Variants in PJVK observed in about 807,000 individuals in gnomAD.
PJVK encodes the protein pejvakin.
PJVK carries 33 observed loss-of-function variants against 37.6 expected under a neutral mutation model. The ratio of observed to expected loss-of-function variants is 0.88; its 90% CI spans 0.67 to 1.17. PJVK has a LOEUF of 1.17. Among genes scored for constraint, PJVK ranks in the 50% most tolerant of loss-of-function variants. The probability of loss-of-function intolerance (pLI) is 0.00; values close to 1 mark genes in which losing one functional copy is unlikely to be tolerated. For missense variants in PJVK, 410 were observed against 413.8 expected, an observed-to-expected ratio of 0.99 and a Z score of 0.08; for synonymous variants, 141 against 143.5, an observed-to-expected ratio of 0.98 and a Z score of 0.13.
Position 178,459,514 on chromosome 2 carries a change from C to T in PJVK, c.668-834C>T, listed in dbSNP as rs139850176. Among the ~76,000 whole-genome samples the T allele has an allele frequency of 5.6e-3, 857 of 152,198 alleles. 5 individuals carry two copies. Among genetic ancestry groups the T allele is most frequent in the Non-Finnish European group, 9.3e-3 (631 of 68,000 alleles). On this transcript the variant is annotated intron_variant, in intron 5 of 6. Coordinates refer to ENST00000644580, the MANE Select transcript of PJVK (RefSeq NM_001042702.5). ...TCATGGAAAATGGGGTATCCATCCCCTCAAGCATTTATCCTTTGTGTTACA... is the reference window on the plus strand; with the variant it reads ...TCATGGAAAATGGGGTATCCATCCCTTCAAGCATTTATCCTTTGTGTTACA...
Position 178,451,707 on chromosome 2 carries a change from G to T in PJVK, c.-85G>T, listed in dbSNP as rs1404952552. ...AACACGCGGGGACGTCCAAACACCC[G>T]CTCCTCTCCCGCCGGGCGGGCTCCT... On this transcript the variant is annotated 5_prime_UTR_variant, in exon 1 of 7. Transcript: ENST00000644580. 3 of 933,694 alleles carry T rather than the reference G, an allele frequency of 3.2e-6. No individual in the cohort carries two copies. Among genetic ancestry groups the T allele is most frequent in the African/African-American group, 1.8e-5 (1 of 56,216 alleles). The allele number at this position is 933,694 out of a possible 1,614,324, so 57.8% of individuals were successfully genotyped here.
chr2:178,453,179 A>G (rs1165462655), intron 1 of PJVK: 1 of 502,836 alleles, frequency 2.0e-6, no homozygotes, highest in African/African-American at 1.9e-5. Flanking sequence ...ATTCCAAGTT[A>G]AACATGCTCT....
Position 178,456,108 on chromosome 2 carries a change from G to C in PJVK, c.506G>C (p.Cys169Ser). 2 of 1,614,124 alleles carry C rather than the reference G, an allele frequency of 1.2e-6. No individual in the cohort carries two copies. Among genetic ancestry groups the C allele is most frequent in the Non-Finnish European group, 1.7e-6 (2 of 1,180,002 alleles). Residue 169 changes from cysteine (C) to serine (S), a missense_variant, in exon 4 of 7, where the codon TGC becomes TCC. Cys to Ser is a moderately radical substitution (Grantham distance 112). Transcript: ENST00000644580. ...VMESIRTTRQCSLSVHAGIRG... is the reference protein window; with the variant it reads ...VMESIRTTRQSSLSVHAGIRG... ...GAGAGCATCCGAACCACACGACAGT[G>C]CTCACTGTCTGTGCATGCTGGAATT...
At chr2:178,455,136 T>C in intron 3 of PJVK, 1 of 1,601,452 alleles carries the variant, frequency 6.2e-7, no homozygotes, top group South Asian at 1.1e-5. Context: ...TCGTGGCTCA[T>C]TGAGGACGGC....
At chr2:178,458,984 G>A (rs900093930) in intron 5 of PJVK, among the ~76,000 whole-genome samples, 1 of 152,174 alleles carries the variant, frequency 6.6e-6, no homozygotes, top group Non-Finnish European at 1.5e-5. Context: ...CAGAGGAGTA[G>A]GTAGATAGTA....
chr2:178,461,526 G>T lies in PJVK; in HGVS notation c.*252G>T. 2.6e-6 allele frequency: 1 copy of T among 389,890 alleles called. No individual in the cohort carries two copies. The highest frequency in any genetic ancestry group is 5.8e-5 in the East Asian group (1 of 17,102). The allele number at this position is 389,890 out of a possible 1,614,324, so 24.2% of individuals were successfully genotyped here. The stretch of plus-strand genomic sequence containing the variant: ...TTTACATATAAAATTCAGAGATTAT[G>T]AATCATGCCAGTCACTTTAGAATCA... On this transcript the variant is annotated 3_prime_UTR_variant, in exon 7 of 7. Transcript: ENST00000644580.
chr2:178,454,186 A>G (rs370146677), intron 2 of PJVK, 146 bp from the exon 3 acceptor site: 2 of 634,526 alleles, frequency 3.2e-6, no homozygotes. Flanking sequence ...AGATTAATTG[A>G]ATTACTACTT....
intron 3 of PJVK, chr2:178,454,996 G>A: frequency 2.9e-6 from 3 of 1,019,794 alleles, no homozygotes; most frequent in Non-Finnish European, 4.7e-6. Context: ...GTCCCTTTCT[G>A]TGTGGACTTC....
chr2:178,457,654 G>A (rs913479544), intron 4 of PJVK, among the ~76,000 whole-genome samples: 1 of 152,196 alleles, frequency 6.6e-6, no homozygotes, highest in Non-Finnish European at 1.5e-5. Flanking sequence ...CTTCTCTGGG[G>A]CCAGCAGCCA....
rs780924384 is a variant in PJVK, at chr2:178,454,430, G to A, written c.310G>A (p.Val104Ile). 1.4e-5 allele frequency: 22 copies of A among 1,613,854 alleles called. No individual in the cohort carries two copies. Among genetic ancestry groups the A allele is most frequent in the South Asian group, 1.2e-4 (11 of 91,086 alleles). Residue 104 changes from valine to isoleucine, a missense_variant, in exon 3 of 7, where the codon GTT becomes ATT. By Grantham distance (29) the Val-to-Ile change is conservative. Coordinates refer to ENST00000644580, the MANE Select transcript of PJVK (RefSeq NM_001042702.5). ...TATTGTAAATGACGTTGGGATTAACGTTGCTGGATCAGATTCCATTGCAGT... is the reference window on the plus strand; with the variant it reads ...TATTGTAAATGACGTTGGGATTAACATTGCTGGATCAGATTCCATTGCAGT... ...NHIVNDVGIN[V>I]AGSDSIAVKA... is the part of the protein sequence containing the mutation.
intron 3 of PJVK, chr2:178,455,198 C>T (rs375901711): frequency 1.3e-5 from 20 of 1,582,808 alleles, no homozygotes; most frequent in Middle Eastern, 1.9e-4. Context: ...GTGGTGGAGC[C>T]GCTTGGTGTC....
chr2:178,456,934 T>C (rs566191247), intron 4 of PJVK, among the ~76,000 whole-genome samples: 1 of 152,360 alleles, frequency 6.6e-6, no homozygotes, highest in African/African-American at 2.4e-5. Context: ...ATTTAAGTGA[T>C]AGAGTTTTTA....
intron 3 of PJVK, 22 bp downstream of exon 3, chr2:178,454,549 T>C (rs755929313): frequency 3.1e-6 from 5 of 1,603,822 alleles, no homozygotes; most frequent in Non-Finnish European, 4.3e-6. Context: ...AATCCTAATA[T>C]ATTTCAGTGT....
rs1341021698 is a variant in PJVK at position 178,461,055 on chromosome 2, AC to A, written c.842del (p.Pro281LeufsTer4). ...DDLFSDYYDK[P>X]LSMTDISLKE... Reference sequence around the variant, plus strand: ...ATCTTTTTTCTGACTACTATGACAAACCTCTCAGCATGACTGATATTTCACT... The same window carrying A: ...ATCTTTTTTCTGACTACTATGACAAACTCTCAGCATGACTGATATTTCACT... On this transcript the variant is annotated frameshift_variant, in exon 7 of 7. Coordinates refer to ENST00000644580, the MANE Select transcript of PJVK (RefSeq NM_001042702.5). LOFTEE classifies it high-confidence loss of function. 6.2e-7 allele frequency: 1 copy of A among 1,613,936 alleles called. No homozygotes were observed. Among genetic ancestry groups the A allele is most frequent in the Non-Finnish European group, 8.5e-7 (1 of 1,179,996 alleles).
chr2:178,454,514 G>T lies in PJVK; in HGVS notation c.394G>T (p.Glu132Ter), dbSNP rs1029053911. Residue 132 changes from glutamate (E) to a stop codon, truncating the protein, a stop_gained, in exon 3 of 7, where the codon GAA becomes TAA. Coordinates refer to ENST00000644580, the MANE Select transcript of PJVK (RefSeq NM_001042702.5). LOFTEE classifies it high-confidence loss of function. ...AGTGGAAGTATCAACATTACTCAAA[G>T]AAATTACTACACGGTCAGTATAATA... ...HEVEVSTLLK[E>*]ITTRKINFDH... 1.2e-6 allele frequency: 2 copies of T among 1,613,430 alleles called. No homozygotes were observed. The highest frequency in any genetic ancestry group is 1.7e-6 in the Non-Finnish European group (2 of 1,179,852).
rs914132306 is a variant in PJVK, at chr2:178,451,434, C to G, written c.-358C>G. ...CAGTTCTTTGTCCTTAGCAGGAGGC[C>G]GTTTCTTGCCGGGAGAGAGGGATTA... is the stretch of plus-strand genomic sequence containing the variant. On this transcript the variant is annotated 5_prime_UTR_variant, in exon 1 of 7. Coordinates refer to ENST00000644580, the MANE Select transcript of PJVK (RefSeq NM_001042702.5). 4.8e-6 allele frequency: 1 copy of G among 208,366 alleles called. No homozygotes were observed. The allele number at this position is 208,366 out of a possible 1,614,324, so 12.9% of individuals were successfully genotyped here.
Position 178,451,402 on chromosome 2 carries a change from T to A in PJVK, c.-390T>A. On this transcript the variant is annotated 5_prime_UTR_variant, in exon 1 of 7. Coordinates refer to ENST00000644580, the MANE Select transcript of PJVK (RefSeq NM_001042702.5). ...TGACCAGCCTGTAGTAACTGGCCCC[T>A]AGGCCGCAGTTCTTTGTCCTTAGCA... The A allele has an allele frequency of 3.5e-6, 1 of 284,708 alleles. No homozygotes were observed. The highest frequency in any genetic ancestry group is 6.7e-6 in the Non-Finnish European group (1 of 149,920). 17.6% of individuals were successfully genotyped at this position (284,708 alleles called of 1,614,324 possible). A position where few individuals can be genotyped will look rare whatever the true frequency, so the allele number is the denominator to read the frequency against.
At position 178,462,069 on chromosome 2, in the gene PJVK, T is replaced by C. The variant is rs1328670156; in HGVS notation, c.*795T>C. On this transcript the variant is annotated 3_prime_UTR_variant, in exon 7 of 7. Transcript: ENST00000644580. ...ATTTAATGCAATCTTAAATGTTTAA[T>C]TGCAGTATCAAATTAAAAGCACACT... is the stretch of plus-strand genomic sequence containing the variant. Among the ~76,000 whole-genome samples, 1 of 152,184 alleles carries C rather than the reference T, an allele frequency of 6.6e-6. No homozygotes were observed. The highest frequency in any genetic ancestry group is 1.5e-5 in the Non-Finnish European group (1 of 68,030).
chr2:178,454,854 A>G (rs1683923425), intron 3 of PJVK: 1 of 1,075,498 alleles, frequency 9.3e-7, no homozygotes, highest in South Asian at 1.3e-5. Context: ...CTCCCCAGGG[A>G]AGCAGAAGAC....
Sources: allele counts gnomAD v4.1 joint callset (sites outside exome capture counted in the v4.1 genomes callset), GRCh38; gene constraint gnomAD v4.1.1; transcripts MANE v1.5; gene names NCBI Gene and HGNC (gene_info 2026-07-23, HGNC 2026-07-21).